Variants in ZNF804B observed in about 807,000 individuals in gnomAD.
The protein encoded by ZNF804B is zinc finger protein 804B.
A neutral mutation model predicts 101.4 loss-of-function variants in ZNF804B; 80 were observed. The observed-to-expected ratio is 0.79, with a 90% confidence interval of 0.66 to 0.95. The LOEUF (loss-of-function observed/expected upper bound fraction) is 0.95, where lower values mean the gene tolerates loss of function less well. ZNF804B is among the 40% of genes least tolerant of loss of function. The probability of loss-of-function intolerance (pLI) is 0.00; values close to 1 mark genes in which losing one functional copy is unlikely to be tolerated. For synonymous variants in ZNF804B, 622 were observed against 558.8 expected (o/e 1.11, Z -1.59); for missense variants, 1,673 against 1,561.9 (o/e 1.07, Z -1.20).
At chr7:88,781,983 T>C (rs1454361846) in intron 1 of ZNF804B, among the ~76,000 whole-genome samples, 2 of 152,188 alleles carry the variant, frequency 1.3e-5, no homozygotes, top group African/African-American at 2.4e-5. Flanking sequence ...TCATTGTTTA[T>C]AGTCTATTTC....
intron 1 of ZNF804B, among the ~76,000 whole-genome samples, chr7:89,030,690 T>C (rs970718821): frequency 1.3e-5 from 2 of 152,142 alleles, no homozygotes; most frequent in Non-Finnish European, 1.5e-5. Context: ...TAATTTATTT[T>C]CCACATTATG....
chr7:89,327,160 C>T (rs1181761960), intron 2 of ZNF804B, among the ~76,000 whole-genome samples, 184 bp from the exon 3 acceptor site: 1 of 147,652 alleles, frequency 6.8e-6, no homozygotes, highest in Non-Finnish European at 1.5e-5. Context: ...ACCTGGTTGA[C>T]AACACATTTA....
rs114553230 is a variant in ZNF804B at position 89,075,849 on chromosome 7, C to A, written c.109-142306C>A. On this transcript the variant is annotated intron_variant, in intron 1 of 3. Transcript: ENST00000333190. ...GCAAAGGTGCCCGAGACCATGGGAA[C>A]CCATCTCTTGGATCAGCATGACCTG... Among the ~76,000 whole-genome samples the A allele has an allele frequency of 9.5e-3, 1,454 of 152,308 alleles. 28 individuals are homozygous for A. The highest frequency in any genetic ancestry group is 0.033 in the African/African-American group (1,381 of 41,566).
At chr7:88,770,684 C>T (rs151055955) in intron 1 of ZNF804B, among the ~76,000 whole-genome samples, 6 of 152,202 alleles carry the variant, frequency 3.9e-5, no homozygotes, top group African/African-American at 1.4e-4. Flanking sequence ...ATGCCAGTCT[C>T]CTGTCTCTGC....
intron 2 of ZNF804B, among the ~76,000 whole-genome samples, chr7:89,222,732 A>G (rs931934822): frequency 2.0e-5 from 3 of 151,900 alleles, no homozygotes; most frequent in Non-Finnish European, 2.9e-5. Flanking sequence ...GCAGAAATTG[A>G]CAACTTATAT....
intron 2 of ZNF804B, among the ~76,000 whole-genome samples, chr7:89,272,486 A>G (rs951213886): frequency 4.6e-5 from 7 of 152,130 alleles, no homozygotes; most frequent in Non-Finnish European, 7.4e-5. Flanking sequence ...CAAAAATACT[A>G]TGGGAAAATC....
intron 1 of ZNF804B, among the ~76,000 whole-genome samples, chr7:89,090,654 A>G (rs1789869964): frequency 6.6e-6 from 1 of 152,104 alleles, no homozygotes; most frequent in Non-Finnish European, 1.5e-5. Flanking sequence ...ACAATTACCT[A>G]GCTAGTAATT....
At chr7:88,793,831 T>G (rs902407222) in intron 1 of ZNF804B, among the ~76,000 whole-genome samples, 3 of 152,118 alleles carry the variant, frequency 2.0e-5, no homozygotes, top group Admixed American at 6.6e-5. Context: ...GTAGTGACTG[T>G]TTATTAACTC....
intron 1 of ZNF804B, among the ~76,000 whole-genome samples, chr7:89,056,806 C>A (rs1789302490): frequency 6.6e-6 from 1 of 152,120 alleles, no homozygotes; most frequent in African/African-American, 2.4e-5. Flanking sequence ...TTGCCTGATG[C>A]ACACAGCAAG....
At chr7:88,860,287 T>A (rs1367296173) in intron 1 of ZNF804B, among the ~76,000 whole-genome samples, 9 of 152,112 alleles carry the variant, frequency 5.9e-5, no homozygotes, top group Admixed American at 5.9e-4. Context: ...GCAGTTTGTA[T>A]GTGTATCATT....
chr7:88,961,332 TTCAC>T (rs1203873371), intron 1 of ZNF804B, among the ~76,000 whole-genome samples: 27 of 151,350 alleles, frequency 1.8e-4, no homozygotes, highest in African/African-American at 5.3e-4. Flanking sequence ...GGAACCATCA[TTCAC>T]TAATCTTTAA....
In ZNF804B at chr7:89,336,633, T is replaced by C. The variant is rs141267124; in HGVS notation, c.3651T>C (p.Phe1217=). The change falls in exon 4 of 4, where the codon TTT becomes TTC. Residue 1217 remains phenylalanine (F), a synonymous_variant. Coordinates refer to ENST00000333190, the MANE Select transcript of ZNF804B (RefSeq NM_181646.5). The part of the protein sequence containing the change: ...TTIHHTFLQH[F]AVSASLSSHS... ...TCCACCACACGTTCCTGCAGCATTT[T>C]GCTGTTTCTGCTTCCTTAAGTTCTC... 1.1e-5 allele frequency: 18 copies of C among 1,614,128 alleles called. No individual in the cohort carries two copies. The African/African-American group carries it at 2.4e-4, about 22-fold the overall frequency.
chr7:88,926,981 A>AG (rs1307247948), intron 1 of ZNF804B, among the ~76,000 whole-genome samples: 3 of 150,412 alleles, frequency 2.0e-5, no homozygotes. Context: ...GTACAAGTGC[A>AG]GGGCTCCTCA....
intron 1 of ZNF804B, among the ~76,000 whole-genome samples, chr7:89,185,589 G>C (rs180673503): frequency 1.3e-5 from 2 of 152,096 alleles, no homozygotes; most frequent in Non-Finnish European, 2.9e-5. Flanking sequence ...GGTCGGGCGC[G>C]GTGGCTCATG....
intron 1 of ZNF804B, among the ~76,000 whole-genome samples, chr7:89,116,867 T>C (rs1332532596): frequency 6.6e-6 from 1 of 152,208 alleles, no homozygotes; most frequent in Non-Finnish European, 1.5e-5. Flanking sequence ...GTCCAGAACA[T>C]GTAAATATTA....
intron 2 of ZNF804B, among the ~76,000 whole-genome samples, chr7:89,308,085 A>G (rs1790593360): frequency 6.6e-6 from 1 of 152,140 alleles, no homozygotes; most frequent in South Asian, 2.1e-4. Context: ...TGCAAGAAAA[A>G]AAGTGAGTCT....
chr7:88,864,926 AC>A (rs1301428698), intron 1 of ZNF804B, among the ~76,000 whole-genome samples: 1 of 152,126 alleles, frequency 6.6e-6, no homozygotes, highest in Non-Finnish European at 1.5e-5. Context: ...TTTCTTCTCC[AC>A]CCATAAAAAT....
intron 1 of ZNF804B, among the ~76,000 whole-genome samples, chr7:89,008,469 A>C (rs2054237782): frequency 6.6e-6 from 1 of 152,166 alleles, no homozygotes; most frequent in Admixed American, 6.6e-5. Flanking sequence ...AGAAAGACAA[A>C]GAGCTGTATT....
At chr7:89,312,141 G>A (rs1790657191) in intron 2 of ZNF804B, among the ~76,000 whole-genome samples, 1 of 152,114 alleles carries the variant, frequency 6.6e-6, no homozygotes, top group South Asian at 2.1e-4. Context: ...CCAGGGAGGT[G>A]ACTCTAGTCC....
Sources: allele counts gnomAD v4.1 joint callset (sites outside exome capture counted in the v4.1 genomes callset), GRCh38; gene constraint gnomAD v4.1.1; transcripts MANE v1.5; gene names NCBI Gene and HGNC (gene_info 2026-07-23, HGNC 2026-07-21).